The following LRMDA variants were observed in gnomAD, a reference collection of about 807,000 sequenced individuals.
The protein encoded by LRMDA is leucine-rich melanocyte differentiation-associated protein.
A neutral mutation model predicts 29.8 loss-of-function variants in LRMDA; 18 were observed. The ratio of observed to expected loss-of-function variants is 0.60; its 90% confidence interval spans 0.42 to 0.90. The LOEUF is 0.90. Among genes scored for constraint, LRMDA ranks in the 40% least tolerant of loss-of-function variants. LRMDA has a pLI of 0.00. For synonymous variants in LRMDA, 125 were observed against 109.4 expected, an observed-to-expected ratio of 1.14 and a Z score of -0.89; for missense variants, 273 against 273.9, an observed-to-expected ratio of 1.00 and a Z score of 0.02.
intron 2 of LRMDA, among the ~76,000 whole-genome samples, chr10:75,575,154 C>A (rs1390745549): frequency 6.6e-6 from 1 of 152,120 alleles, no homozygotes; most frequent in East Asian, 1.9e-4. Flanking sequence ...TATTAGAAAC[C>A]ACCCCTATGA....
At position 75,812,389 on chromosome 10, in the gene LRMDA, G is replaced by A. The variant is rs148660740; in HGVS notation, c.132-223619G>A. ...CACGTACAATGTGTCTTTGGGAAGG[G>A]TGGTACATATTTACGATTGTGTGTT... On this transcript the variant is annotated intron_variant, in intron 2 of 6. Transcript: ENST00000611255. Among the ~76,000 whole-genome samples the A allele has an allele frequency of 8.9e-4, 135 of 152,156 alleles. 1 individual carries two copies. The highest frequency in any genetic ancestry group is 1.5e-3 in the Non-Finnish European group (99 of 68,014).
At chr10:76,006,374 G>C (rs1363819541) in intron 2 of LRMDA, among the ~76,000 whole-genome samples, 5 of 152,182 alleles carry the variant, frequency 3.3e-5, no homozygotes, top group Non-Finnish European at 5.9e-5. Context: ...TACCTGGAGA[G>C]AACCGTTTTG....
intron 5 of LRMDA, among the ~76,000 whole-genome samples, chr10:76,248,243 C>T (rs533304953): frequency 6.6e-6 from 1 of 152,296 alleles, no homozygotes; most frequent in East Asian, 1.9e-4. Flanking sequence ...TGCTGCCGAA[C>T]ATCCTACCAT....
intron 2 of LRMDA, among the ~76,000 whole-genome samples, chr10:75,884,273 GTGT>G (rs1564596317): frequency 0.017 from 2,464 of 142,868 alleles, 78 homozygotes; most frequent in African/African-American, 0.066. Flanking sequence ...GTGTGTGTGT[GTGT>G]GTGTGTGTGT....
intron 6 of LRMDA, among the ~76,000 whole-genome samples, chr10:76,390,630 C>T (rs1422541587): frequency 6.6e-6 from 1 of 152,138 alleles, no homozygotes; most frequent in Non-Finnish European, 1.5e-5. Context: ...CCCAAGAGTG[C>T]CCCTTCATTG....
At chr10:75,622,698 TTC>T (rs1449393859) in intron 2 of LRMDA, among the ~76,000 whole-genome samples, 1 of 152,186 alleles carries the variant, frequency 6.6e-6, no homozygotes, top group Non-Finnish European at 1.5e-5. Flanking sequence ...TGCTTACCCA[TTC>T]TGAGAAAGAA....
rs910445916 is a variant in LRMDA, at chr10:75,948,218, C to G, written c.132-87790C>G. Among the ~76,000 whole-genome samples the G allele has an allele frequency of 2.6e-5, 4 of 152,276 alleles. No individual in the cohort carries two copies. The South Asian group carries it at 6.2e-4, about 24-fold the overall frequency. On this transcript the variant is annotated intron_variant, in intron 2 of 6. Coordinates refer to ENST00000611255, the MANE Select transcript of LRMDA (RefSeq NM_001305581.2). Reference sequence around the variant, plus strand: ...GCTCTTAGAGTCTGACACCAGCACTCTATGTCCTTTGAGGGGAGAATTCTC... The same window carrying G: ...GCTCTTAGAGTCTGACACCAGCACTGTATGTCCTTTGAGGGGAGAATTCTC...
At chr10:76,515,527 A>G (rs1650364946) in intron 6 of LRMDA, among the ~76,000 whole-genome samples, 1 of 151,966 alleles carries the variant, frequency 6.6e-6, no homozygotes, top group Admixed American at 6.6e-5. Flanking sequence ...TTTTTTTGAG[A>G]CAGGGTTTCA....
intron 2 of LRMDA, among the ~76,000 whole-genome samples, chr10:76,023,902 A>G (rs1467147145): frequency 6.6e-6 from 1 of 152,264 alleles, no homozygotes; most frequent in Non-Finnish European, 1.5e-5. Context: ...GCTAAACAAC[A>G]ATTGGTCTAG....
chr10:75,782,476 T>G (rs976419312), intron 2 of LRMDA, among the ~76,000 whole-genome samples: 2 of 152,228 alleles, frequency 1.3e-5, no homozygotes, highest in South Asian at 4.1e-4. Flanking sequence ...ATTTCTGTTT[T>G]GTTTTTTATG....
At chr10:76,180,669 C>T (rs1202899726) in intron 5 of LRMDA, among the ~76,000 whole-genome samples, 2 of 152,050 alleles carry the variant, frequency 1.3e-5, no homozygotes, top group East Asian at 3.9e-4. Context: ...ATGCCTGAAC[C>T]CCAGAATGGG....
intron 2 of LRMDA, among the ~76,000 whole-genome samples, chr10:75,662,805 A>G (rs1269167392): frequency 2.0e-5 from 3 of 152,158 alleles, no homozygotes; most frequent in African/African-American, 7.2e-5. Flanking sequence ...GGGTATGCAC[A>G]TGTTTTTGGC....
At chr10:76,111,284 C>T (rs1849574614) in intron 5 of LRMDA, among the ~76,000 whole-genome samples, 1 of 152,208 alleles carries the variant, frequency 6.6e-6, no homozygotes, top group African/African-American at 2.4e-5. Flanking sequence ...TAAATAAGCT[C>T]CTCAGGACAG....
chr10:76,134,800 A>G (rs935527289), intron 5 of LRMDA, among the ~76,000 whole-genome samples: 1 of 152,206 alleles, frequency 6.6e-6, no homozygotes, highest in African/African-American at 2.4e-5. Flanking sequence ...AAAATTTGAT[A>G]CATTACTTAC....
chr10:76,082,213 C>T (rs1055905598), intron 5 of LRMDA, among the ~76,000 whole-genome samples: 8 of 152,032 alleles, frequency 5.3e-5, no homozygotes, highest in Admixed American at 1.3e-4. Flanking sequence ...TCTGTGTATA[C>T]GCAGGGGGCC....
intron 2 of LRMDA, among the ~76,000 whole-genome samples, chr10:75,449,708 C>T (rs181960528): frequency 4.8e-4 from 73 of 152,246 alleles, no homozygotes; most frequent in African/African-American, 1.7e-3. Context: ...GGCAGGACCT[C>T]ATGAGGCCTG....
At chr10:76,207,151 C>T (rs765101178) in intron 5 of LRMDA, among the ~76,000 whole-genome samples, 13 of 148,530 alleles carry the variant, frequency 8.8e-5, no homozygotes, top group Non-Finnish European at 1.9e-4. Flanking sequence ...ATGAATCAGC[C>T]GGGGAAACCC....
chr10:76,251,108 A>G (rs1325070482), intron 5 of LRMDA, among the ~76,000 whole-genome samples: 1 of 152,200 alleles, frequency 6.6e-6, no homozygotes, highest in African/African-American at 2.4e-5. Context: ...GGACAATCCA[A>G]CAGCAAATCC....
chr10:76,355,041 A>G (rs575794319), intron 6 of LRMDA, among the ~76,000 whole-genome samples: 85 of 152,140 alleles, frequency 5.6e-4, no homozygotes, highest in African/African-American at 1.8e-3. Context: ...ACTCAACTCA[A>G]CAGGTACTTG....
Sources: gnomAD v4.1 joint callset for allele counts (sites outside exome capture counted in the v4.1 genomes callset) on GRCh38, gnomAD v4.1.1 for gene constraint, MANE v1.5 for transcripts, NCBI Gene and HGNC (gene_info 2026-07-23, HGNC 2026-07-21) for gene names.